HDX: variants seen among roughly 807,000 people sequenced by gnomAD.
HDX encodes the protein highly divergent homeobox.
HDX carries 19 observed loss-of-function variants against 45.2 expected under a neutral mutation model. That is an observed-to-expected ratio of 0.42 (90% CI 0.29 to 0.62). HDX has a LOEUF of 0.62. HDX is among the 20% of genes least tolerant of loss of function. The pLI, the probability that HDX is intolerant of heterozygous loss-of-function variation, is 0.20. For synonymous variants in HDX, 188 were observed against 172.8 expected (o/e 1.09, Z -0.69); for missense variants, 532 against 493.9 (o/e 1.08, Z -0.73).
At chrX:84,376,293 A>T (rs755666964) in intron 5 of HDX, among the ~76,000 whole-genome samples, 1 of 112,238 alleles carries the variant, frequency 8.9e-6, no homozygotes, top group East Asian at 2.8e-4. Flanking sequence ...TTCAGGTGAG[A>T]CTCAGCACAT....
At chrX:84,484,399 C>T (rs1477305902) in intron 2 of HDX, among the ~76,000 whole-genome samples, 1 of 111,325 alleles carries the variant, frequency 9.0e-6, no homozygotes, top group African/African-American at 3.3e-5. Flanking sequence ...CACATGATGG[C>T]AAGAAAGAAA....
rs576952865 is a variant in HDX, at chrX:84,343,150, A to C, written c.1660+1100T>G. Among the ~76,000 whole-genome samples the C allele has an allele frequency of 7.2e-5, 8 of 111,067 alleles. No homozygotes were observed. The South Asian group carries it at 3.0e-3, about 42-fold the overall frequency. ...GAGTGACTGCAAATGGGCTCAAGGG[A>C]CTTATTGGAGAGATGAAACTGATAT... On this transcript the variant is annotated intron_variant, in intron 7 of 10. Transcript: ENST00000373177.
chrX:84,435,808 G>T (rs1194996116), intron 5 of HDX, among the ~76,000 whole-genome samples: 9 of 104,012 alleles, frequency 8.7e-5, no homozygotes, highest in Admixed American at 4.3e-4. Context: ...GGAGAAATAG[G>T]AACACTTTTA....
intron 4 of HDX, among the ~76,000 whole-genome samples, chrX:84,465,876 G>C (rs1441957099): frequency 9.0e-6 from 1 of 111,686 alleles, no homozygotes; most frequent in Non-Finnish European, 1.9e-5. Context: ...ATCCAAGAGT[G>C]TTGGTGATAG....
chrX:84,500,722 A>G (rs926338178), intron 1 of HDX, among the ~76,000 whole-genome samples: 2 of 111,418 alleles, frequency 1.8e-5, no homozygotes, highest in Non-Finnish European at 3.8e-5. Context: ...CAAAGATATA[A>G]AGGTAGATTG....
intron 5 of HDX, among the ~76,000 whole-genome samples, chrX:84,422,523 A>G (rs1316089826): frequency 9.0e-6 from 1 of 111,346 alleles, no homozygotes; most frequent in Non-Finnish European, 1.9e-5. Flanking sequence ...CATTAATTAA[A>G]TTAAAGTGAA....
At chrX:84,381,592 C>T (rs1215827438) in intron 5 of HDX, among the ~76,000 whole-genome samples, 1 of 111,421 alleles carries the variant, frequency 9.0e-6, no homozygotes, top group Non-Finnish European at 1.9e-5. Flanking sequence ...CAAAAACATA[C>T]ACTGGGGAAA....
rs995551356 is a variant in HDX at position 84,502,375 on chromosome X, G to A, written c.-143C>T. 10 of 111,495 alleles carry A rather than the reference G, an allele frequency of 9.0e-5. No individual in the cohort carries two copies. Among genetic ancestry groups the A allele is most frequent in the African/African-American group, 3.3e-4 (10 of 30,593 alleles). The allele number at this position is 111,495 out of a possible 1,213,427, so 9.2% of individuals were successfully genotyped here. A position where few individuals can be genotyped will look rare whatever the true frequency, so the allele number is the denominator to read the frequency against. On this transcript the variant is annotated 5_prime_UTR_variant, in exon 1 of 11. Coordinates refer to ENST00000373177, the MANE Select transcript of HDX (RefSeq NM_001177479.2). ...TGGTGCGGTTACGAAAGGAATCAGC[G>A]GAACCCAGATCAGGCCGCTGCTGGG...
At chrX:84,432,528 C>T (rs913862360) in intron 5 of HDX, among the ~76,000 whole-genome samples, 1 of 111,213 alleles carries the variant, frequency 9.0e-6, no homozygotes. Context: ...TTGTAATTCT[C>T]ATTGTAGAGA....
rs145204201 is a variant in HDX at position 84,395,349 on chromosome X, T to A, written c.1306-33737A>T. Among the ~76,000 whole-genome samples the A allele has an allele frequency of 7.2e-3, 340 of 47,482 alleles. 1 individual carries two copies. The highest frequency in any genetic ancestry group is 0.022 in the African/African-American group (326 of 14,960). The allele number at this position is 47,482 out of a possible 115,157, so 41.2% of individuals were successfully genotyped here. A position where few individuals can be genotyped will look rare whatever the true frequency, so the allele number is the denominator to read the frequency against. Reference sequence around the variant, plus strand: ...AATAACATCATTGAGAGTAGTATCCTTTATTGGCAAGTTTTTTTTTTTTCC... The same window carrying A: ...AATAACATCATTGAGAGTAGTATCCATTATTGGCAAGTTTTTTTTTTTTCC... On this transcript the variant is annotated intron_variant, in intron 5 of 10. Coordinates refer to ENST00000373177, the MANE Select transcript of HDX (RefSeq NM_001177479.2).
In HDX at chrX:84,414,354, C is replaced by T. The variant is rs1286160877; in HGVS notation, c.1305+26178G>A. The stretch of plus-strand genomic sequence containing the variant: ...GATCAAGCAAGGTTGGCAAACACTA[C>T]ACTGACTGGCTGGATCTTCAAGTTA... On this transcript the variant is annotated intron_variant, in intron 5 of 10. Coordinates refer to ENST00000373177, the MANE Select transcript of HDX (RefSeq NM_001177479.2). Among the ~76,000 whole-genome samples the T allele has an allele frequency of 1.3e-4, 15 of 111,587 alleles. No individual in the cohort carries two copies. In the Admixed American group the frequency reaches 1.4e-3, roughly 11 times the overall value.
chrX:84,373,385 G>A (rs1427887131), intron 5 of HDX, among the ~76,000 whole-genome samples: 1 of 110,926 alleles, frequency 9.0e-6, no homozygotes, highest in Non-Finnish European at 1.9e-5. Context: ...AAAAAAAAGA[G>A]GGAATCCTCC....
chrX:84,468,802 A>G lies in HDX; in HGVS notation c.921T>C (p.Tyr307=), dbSNP rs1285652816. The change falls in exon 4 of 11, where the codon TAT becomes TAC. Residue 307 remains tyrosine, a synonymous_variant. Transcript: ENST00000373177. ...TCGATGCCAGCTCTTCCTCTCTGGC[A>G]TATTCATCCTCAGCATCTCCAGTCT... is the stretch of plus-strand genomic sequence containing the variant. The part of the protein sequence containing the change: ...AMETGDAEDE[Y]AREEELASMR... 1.7e-6 allele frequency: 2 copies of G among 1,209,508 alleles called. No individual in the cohort carries two copies. The highest frequency in any genetic ancestry group is 3.5e-5 in the African/African-American group (2 of 57,137).
chrX:84,347,454 G>A lies in HDX; in HGVS notation c.1453-2997C>T, dbSNP rs774080753. Among the ~76,000 whole-genome samples the A allele has an allele frequency of 8.1e-5, 9 of 111,246 alleles. No individual in the cohort carries two copies. The South Asian group carries it at 1.1e-3, about 14-fold the overall frequency. ...TACATTAGGATAAATTTTGCTCTCA[G>A]CACTACTTATCTGCATCCCACAAAT... is the stretch of plus-strand genomic sequence containing the variant. On this transcript the variant is annotated intron_variant, in intron 6 of 10. Transcript: ENST00000373177.
chrX:84,384,929 G>A (rs2038272942), intron 5 of HDX, among the ~76,000 whole-genome samples: 1 of 110,425 alleles, frequency 9.1e-6, no homozygotes, highest in African/African-American at 3.3e-5. Flanking sequence ...GGTTCCTGTA[G>A]CCTTACAGTA....
intron 9 of HDX, among the ~76,000 whole-genome samples, chrX:84,326,914 CAAA>C (rs11361719): frequency 1.0e-4 from 8 of 79,577 alleles, no homozygotes; most frequent in Admixed American, 2.8e-4. Context: ...GAGACTGTCT[CAAA>C]AAAAAAAAAA....
chrX:84,377,756 GA>G (rs1897138189), intron 5 of HDX, among the ~76,000 whole-genome samples: 1 of 110,719 alleles, frequency 9.0e-6, no homozygotes, highest in Non-Finnish European at 1.9e-5. Context: ...AGAGGATCTA[GA>G]AAATAGACTC....
intron 4 of HDX, among the ~76,000 whole-genome samples, chrX:84,465,676 G>A (rs894900307): frequency 1.2e-4 from 13 of 111,726 alleles, no homozygotes; most frequent in Admixed American, 3.8e-4. Context: ...GTTGGGGGGC[G>A]GGTGCCTAGG....
intron 5 of HDX, among the ~76,000 whole-genome samples, chrX:84,426,876 A>C (rs1456569883): frequency 9.0e-6 from 1 of 110,732 alleles, no homozygotes. Context: ...TCATTTCATT[A>C]TGTATATCTA....
Sources: allele counts gnomAD v4.1 joint callset (sites outside exome capture counted in the v4.1 genomes callset), GRCh38; gene constraint gnomAD v4.1.1; transcripts MANE v1.5; gene names NCBI Gene and HGNC (gene_info 2026-07-23, HGNC 2026-07-21).